CYTH3: variants seen among roughly 807,000 people sequenced by gnomAD.
CYTH3 encodes the protein cytohesin 3, also known as cytohesin-3.
Under a neutral mutation model 55.1 loss-of-function variants are expected in CYTH3, and 23 were observed. That is an observed-to-expected ratio of 0.42 (90% CI 0.30 to 0.59). The LOEUF is 0.59. Ranked by LOEUF, CYTH3 falls within the 20% of genes least tolerant of loss-of-function variation. CYTH3 has a pLI of 0.20. For missense variants in CYTH3, 413 were observed against 524.8 expected (o/e 0.79, Z 2.08); for synonymous variants, 249 against 194.9 (o/e 1.28, Z -2.31).
At chr7:6,166,828 C>T (rs944360660) in intron 9 of CYTH3, among the ~76,000 whole-genome samples, 1 of 152,262 alleles carries the variant, frequency 6.6e-6, no homozygotes, top group African/African-American at 2.4e-5. Context: ...GCCTGCAATG[C>T]GGTTGCCACC....
chr7:6,267,648 C>T (rs575776671), intron 1 of CYTH3, among the ~76,000 whole-genome samples: 1 of 152,128 alleles, frequency 6.6e-6, no homozygotes, highest in Non-Finnish European at 1.5e-5. Flanking sequence ...CTCAGCCTCT[C>T]GAGCAGCTGG....
intron 1 of CYTH3, among the ~76,000 whole-genome samples, chr7:6,231,021 T>C (rs889280893): frequency 1.3e-5 from 2 of 152,158 alleles, no homozygotes; most frequent in South Asian, 2.1e-4. Flanking sequence ...TTCCCCACAG[T>C]CACCCCAGCC....
At chr7:6,232,708 C>T (rs1482104422) in intron 1 of CYTH3, among the ~76,000 whole-genome samples, 1 of 151,898 alleles carries the variant, frequency 6.6e-6, no homozygotes, top group Non-Finnish European at 1.5e-5. Flanking sequence ...GTCTCGGCTG[C>T]GGCTGTGGTT....
chr7:6,251,843 T>C (rs890941032), intron 1 of CYTH3, among the ~76,000 whole-genome samples: 2 of 152,114 alleles, frequency 1.3e-5, no homozygotes, highest in East Asian at 1.9e-4. Flanking sequence ...ACAGGCACCA[T>C]TGGTATTTAA....
chr7:6,217,586 T>C (rs1038351329), intron 1 of CYTH3, among the ~76,000 whole-genome samples: 2 of 152,172 alleles, frequency 1.3e-5, no homozygotes, highest in African/African-American at 2.4e-5. Context: ...CTGAGAGATA[T>C]CAACAATTAT....
rs200814866 is a variant in CYTH3, at chr7:6,200,975, AG to A, written c.35-10445del. On this transcript the variant is annotated intron_variant, in intron 1 of 12. Coordinates refer to ENST00000350796, the MANE Select transcript of CYTH3 (RefSeq NM_004227.4). ...GTCTCACTATGTTGTTGTCCAGGCT[AG>A]TCTCAAACTCCTGGGCTCAAGTAAT... is the stretch of plus-strand genomic sequence containing the variant. Among the ~76,000 whole-genome samples, 1,348 of 152,316 alleles carry A rather than the reference AG, an allele frequency of 8.9e-3. 9 individuals carry two copies. The highest frequency in any genetic ancestry group is 0.013 in the Non-Finnish European group (906 of 68,022).
In CYTH3 at chr7:6,177,946, A is replaced by G. The variant is rs2128540369; in HGVS notation, c.250-5T>C. 1.9e-6 allele frequency: 3 copies of G among 1,605,406 alleles called. No homozygotes were observed. The highest frequency in any genetic ancestry group is 2.6e-6 in the Non-Finnish European group (3 of 1,172,036). ...TTCTATTAGAAACTGAATTCCCTGA[A>G]GAACATTAAAATGGAAGCACTGGTT... On this transcript the variant is annotated splice_polypyrimidine_tract_variant and splice_region_variant and intron_variant, in intron 4 of 12. Transcript: ENST00000350796.
chr7:6,177,828 AC>A lies in CYTH3; in HGVS notation c.362del (p.Gly121ValfsTer29). 2 of 1,613,122 alleles carry A rather than the reference AC, an allele frequency of 1.2e-6. No homozygotes were observed. Among genetic ancestry groups the A allele is most frequent in the Non-Finnish European group, 8.5e-7 (1 of 1,179,144 alleles). On this transcript the variant is annotated frameshift_variant, in exon 5 of 13. Coordinates refer to ENST00000350796, the MANE Select transcript of CYTH3 (RefSeq NM_004227.4). LOFTEE classifies it high-confidence loss of function. ...LNKTVIGDYLGERDEFNIKVL... is the reference protein window; with the variant it reads ...LNKTVIGDYLXERDEFNIKVL... ...TGCATCCTCCTCTAACTCACCTTTCACCCAGGTAGTCCCCAATGACGGTCTT... is the reference window on the plus strand; with the variant it reads ...TGCATCCTCCTCTAACTCACCTTTCACCAGGTAGTCCCCAATGACGGTCTT...
intron 1 of CYTH3, among the ~76,000 whole-genome samples, chr7:6,229,879 T>C (rs941996809): frequency 1.3e-5 from 2 of 150,710 alleles, no homozygotes; most frequent in African/African-American, 4.9e-5. Flanking sequence ...CTCATGCCCG[T>C]AATCCCAACA....
intron 1 of CYTH3, among the ~76,000 whole-genome samples, chr7:6,249,810 G>A (rs1779914108): frequency 6.6e-6 from 1 of 152,148 alleles, no homozygotes; most frequent in South Asian, 2.1e-4. Context: ...GTGAAATGAT[G>A]ACCACAGTCA....
intron 1 of CYTH3, among the ~76,000 whole-genome samples, chr7:6,263,259 T>C (rs1358287206): frequency 6.6e-6 from 1 of 152,150 alleles, no homozygotes; most frequent in Non-Finnish European, 1.5e-5. Flanking sequence ...ACCCATGAGA[T>C]AGGTAAATAT....
chr7:6,165,930 T>A, intron 9 of CYTH3, 120 bp from the exon 10 acceptor site: 2 of 990,522 alleles, frequency 2.0e-6, no homozygotes, highest in Non-Finnish European at 3.0e-6. Flanking sequence ...GGCGCCAGGC[T>A]TGGGTTCAGG....
At chr7:6,192,130 A>G (rs565655394) in intron 1 of CYTH3, among the ~76,000 whole-genome samples, 1 of 152,202 alleles carries the variant, frequency 6.6e-6, no homozygotes, top group Non-Finnish European at 1.5e-5. Context: ...TTTATTCTCC[A>G]AAAGTTCCAC....
chr7:6,220,909 T>C (rs996343688), intron 1 of CYTH3, among the ~76,000 whole-genome samples: 15 of 151,964 alleles, frequency 9.9e-5, no homozygotes, highest in Admixed American at 2.6e-4. Context: ...GGCAGGAGAA[T>C]TGCTTGAACA....
intron 1 of CYTH3, among the ~76,000 whole-genome samples, chr7:6,224,124 C>G (rs1018196147): frequency 1.3e-5 from 2 of 152,142 alleles, no homozygotes; most frequent in Non-Finnish European, 2.9e-5. Flanking sequence ...CTCAAGCGAT[C>G]CCCCTGCCTC....
intron 4 of CYTH3, among the ~76,000 whole-genome samples, chr7:6,183,743 A>C (rs527763649): frequency 4.6e-5 from 7 of 152,112 alleles, no homozygotes; most frequent in Middle Eastern, 3.4e-3. Flanking sequence ...TGTCCCCCCC[A>C]CAATTCATAT....
intron 1 of CYTH3, among the ~76,000 whole-genome samples, chr7:6,225,918 G>A: frequency 6.6e-6 from 1 of 151,324 alleles, no homozygotes; most frequent in Middle Eastern, 3.2e-3. Flanking sequence ...GACCTTGGGA[G>A]CTCAAGACCA....
At chr7:6,234,424 C>G (rs893588916) in intron 1 of CYTH3, among the ~76,000 whole-genome samples, 2 of 152,202 alleles carry the variant, frequency 1.3e-5, no homozygotes, top group Non-Finnish European at 2.9e-5. Flanking sequence ...AAAGGAGAGG[C>G]CCTCATTCCT....
chr7:6,272,605 C>A lies in CYTH3; in HGVS notation c.-98G>T. ...AGGGAGCGCGCAGGCGACCGGGCGG[C>A]TCCTCAGCGCGCGGCCCGGGTCGCG... On this transcript the variant is annotated 5_prime_UTR_variant, in exon 1 of 13. Transcript: ENST00000350796. 1 of 951,800 alleles carries A rather than the reference C, an allele frequency of 1.1e-6. No homozygotes were observed. The allele number at this position is 951,800 out of a possible 1,614,324, so 59.0% of individuals were successfully genotyped here. A position where few individuals can be genotyped will look rare whatever the true frequency, so the allele number is the denominator to read the frequency against.
Sources: allele counts gnomAD v4.1 joint callset (sites outside exome capture counted in the v4.1 genomes callset), GRCh38; gene constraint gnomAD v4.1.1; transcripts MANE v1.5; gene names NCBI Gene and HGNC (gene_info 2026-07-23, HGNC 2026-07-21).